Variants in SGPP2 observed in about 807,000 individuals in gnomAD.
SGPP2 encodes sphingosine 1-phosphate phosphohydrolase 2.
Under a neutral mutation model 33.9 loss-of-function variants are expected in SGPP2, and 30 were observed. That is an observed-to-expected ratio of 0.89 (90% CI 0.66 to 1.20). The LOEUF is 1.20. Among genes scored for constraint, SGPP2 ranks in the 50% most tolerant of loss-of-function variants. SGPP2 has a pLI of 0.00. For synonymous variants in SGPP2, 233 were observed against 225.0 expected (o/e 1.04, Z -0.32); for missense variants, 458 against 532.1 (o/e 0.86, Z 1.37).
intron 1 of SGPP2, chr2:222,452,676 A>G: frequency 7.2e-7 from 1 of 1,383,742 alleles, no homozygotes; most frequent in South Asian, 1.2e-5. Flanking sequence ...CTGGATGTTC[A>G]GGCTGTGGTT....
At chr2:222,463,617 C>T (rs1697698292) in intron 1 of SGPP2, among the ~76,000 whole-genome samples, 1 of 152,078 alleles carries the variant, frequency 6.6e-6, no homozygotes, top group Non-Finnish European at 1.5e-5. Context: ...ACACATGCAC[C>T]CACTAACATG....
intron 1 of SGPP2, among the ~76,000 whole-genome samples, chr2:222,454,525 C>T (rs1450807139): frequency 6.6e-6 from 1 of 152,128 alleles, no homozygotes; most frequent in Non-Finnish European, 1.5e-5. Context: ...ACCTATGGGT[C>T]AAAGTAGATT....
chr2:222,469,753 A>C (rs889605009), intron 1 of SGPP2, among the ~76,000 whole-genome samples: 2 of 152,242 alleles, frequency 1.3e-5, no homozygotes, highest in African/African-American at 4.8e-5. Context: ...GAAGTCACAC[A>C]CACTGAGATT....
rs763583504 is a variant in SGPP2, at chr2:222,562,424, G to C, written c.*3526G>C. 2.6e-5 allele frequency among the ~76,000 whole-genome samples: 4 copies of C among 152,176 alleles called. No individual in the cohort carries two copies. The highest frequency in any genetic ancestry group is 5.9e-5 in the Non-Finnish European group (4 of 68,046). ...CCAAAACGTGCCCAGTGATCGCACT[G>C]TAACATGGGATTTTCTCACCCAAAT... On this transcript the variant is annotated 3_prime_UTR_variant, in exon 5 of 5. Transcript: ENST00000321276.
chr2:222,556,863 T>G (rs184043661), intron 4 of SGPP2, among the ~76,000 whole-genome samples: 16 of 79,278 alleles, frequency 2.0e-4, no homozygotes, highest in African/African-American at 8.4e-4. Context: ...TCCTTCCCCA[T>G]CCACCCTCAC....
rs560315768 is a variant in SGPP2, at chr2:222,497,942, C to T, written c.378+23216C>T. Among the ~76,000 whole-genome samples, 5 of 152,200 alleles carry T rather than the reference C, an allele frequency of 3.3e-5. No homozygotes were observed. The South Asian group carries it at 8.3e-4, about 25-fold the overall frequency. On this transcript the variant is annotated intron_variant, in intron 2 of 4. Coordinates refer to ENST00000321276, the MANE Select transcript of SGPP2 (RefSeq NM_152386.4). ...TCATGAGGCCCCTGGGGGAGAGAGT[C>T]CCAGGCCAAGAAGATCTCAAAGCAG...
chr2:222,473,780 T>A (rs10170487), intron 1 of SGPP2, among the ~76,000 whole-genome samples: 6,445 of 151,794 alleles, frequency 0.042, 228 homozygotes, highest in South Asian at 0.081. Flanking sequence ...CAAAATTAGC[T>A]GGGTGTGGTG....
intron 2 of SGPP2, among the ~76,000 whole-genome samples, chr2:222,484,818 A>G (rs1463096181): frequency 3.3e-5 from 5 of 152,212 alleles, no homozygotes; most frequent in Non-Finnish European, 4.4e-5. Context: ...TCTCCTACTC[A>G]TTTGTAAAAC....
At chr2:222,463,970 C>CAT (rs1553535788) in intron 1 of SGPP2, among the ~76,000 whole-genome samples, 2 of 151,646 alleles carry the variant, frequency 1.3e-5, no homozygotes, top group East Asian at 1.9e-4. Flanking sequence ...GAATCCTGTA[C>CAT]GTGTGTTGGG....
chr2:222,526,751 ACTAACACGGGAACAGAAAAC>A (rs1361095389), intron 4 of SGPP2, among the ~76,000 whole-genome samples: 5 of 152,298 alleles, frequency 3.3e-5, no homozygotes, highest in African/African-American at 9.6e-5. Context: ...TCCTCAGCAA[ACTAACACGGGAACAGAAAAC>A]CTAACACCAC....
chr2:222,533,004 A>AT (rs139361345), intron 4 of SGPP2, among the ~76,000 whole-genome samples: 5,178 of 152,146 alleles, frequency 0.034, 300 homozygotes, highest in African/African-American at 0.12. Context: ...GAGGTCTTAC[A>AT]TTTTTTCATG....
chr2:222,523,162 A>C (rs948194623), intron 3 of SGPP2, among the ~76,000 whole-genome samples: 2 of 152,228 alleles, frequency 1.3e-5, no homozygotes, highest in African/African-American at 2.4e-5. Context: ...TCCCACCTCT[A>C]CCACTGTAGC....
rs1245867287 is a variant in SGPP2, at chr2:222,474,579, G to C, written c.231G>C (p.Gln77His). 1.9e-6 allele frequency: 3 copies of C among 1,613,786 alleles called. No individual in the cohort carries two copies. The highest frequency in any genetic ancestry group is 2.5e-6 in the Non-Finnish European group (3 of 1,179,954). The change falls in exon 2 of 5, where the codon CAG (glutamine) becomes CAC (histidine). Residue 77 changes from glutamine (Q) to histidine (H), a missense_variant. Transcript: ENST00000321276. ...RRAAAPEAYV[Q>H]KYVVKNYFYY... ...CTTTTGTCTTTTAGGCTTATGTACA[G>C]AAGTACGTCGTGAAGAATTATTTCT... is the stretch of plus-strand genomic sequence containing the variant.
rs1421603175 is a variant in SGPP2 at position 222,548,053 on chromosome 2, G to A, written c.649-10294G>A. On this transcript the variant is annotated intron_variant, in intron 4 of 4. Transcript: ENST00000321276. ...TACAGGGTTATTACCATCCTACAGG[G>A]CAACAAACTGTAACCTTTGTAGGTT... Among the ~76,000 whole-genome samples the A allele has an allele frequency of 2.0e-5, 3 of 152,242 alleles. No individual in the cohort carries two copies. In the East Asian group the frequency reaches 5.8e-4, roughly 29 times the overall value.
rs79404816 is a variant in SGPP2, at chr2:222,550,418, A to G, written c.649-7929A>G. ...GAAAATTTGGAAGATCCTGGAGTAT[A>G]GAGAAGATAATAGTCATCTGTAATG... On this transcript the variant is annotated intron_variant, in intron 4 of 4. Transcript: ENST00000321276. This position sits in a 1 kb window ranked among gnomAD's most constrained non-coding sequence, Gnocchi z 4.5. Among the ~76,000 whole-genome samples the G allele has an allele frequency of 9.3e-3, 1,413 of 152,340 alleles. 17 individuals are homozygous for G. The highest frequency in any genetic ancestry group is 0.027 in the African/African-American group (1,128 of 41,582).
At chr2:222,543,631 G>T (rs1030354559) in intron 4 of SGPP2, among the ~76,000 whole-genome samples, 4 of 152,080 alleles carry the variant, frequency 2.6e-5, no homozygotes, top group Non-Finnish European at 5.9e-5. Flanking sequence ...CCTATTTTTG[G>T]ACTACAGTTG....
chr2:222,521,657 A>G, intron 2 of SGPP2, 110 bp from the exon 3 acceptor site: 4 of 1,153,656 alleles, frequency 3.5e-6, no homozygotes, highest in Non-Finnish European at 4.9e-6. Context: ...GTCAGAGAGA[A>G]AGGAGCCTTC....
At chr2:222,518,731 T>G (rs893503212) in intron 2 of SGPP2, among the ~76,000 whole-genome samples, 1 of 152,200 alleles carries the variant, frequency 6.6e-6, no homozygotes, top group Non-Finnish European at 1.5e-5. Context: ...AAGTTAAGTT[T>G]CAAAGTCTGA....
At chr2:222,471,953 T>A (rs1489649284) in intron 1 of SGPP2, among the ~76,000 whole-genome samples, 2 of 152,202 alleles carry the variant, frequency 1.3e-5, no homozygotes, top group Admixed American at 1.3e-4. Flanking sequence ...TTTTACTAGA[T>A]TGCTGATTTT....
Sources: allele counts gnomAD v4.1 joint callset (sites outside exome capture counted in the v4.1 genomes callset), GRCh38; gene constraint gnomAD v4.1.1; non-coding constraint Gnocchi (gnomAD v3.1); transcripts MANE v1.5; gene names NCBI Gene and HGNC (gene_info 2026-07-23, HGNC 2026-07-21).